Variants in LRRTM4 observed in about 807,000 individuals in gnomAD.
LRRTM4 encodes leucine rich repeat transmembrane neuronal 4.
LRRTM4 carries 25 observed loss-of-function variants against 47.6 expected under a neutral mutation model. The observed-to-expected ratio is 0.53, with a 90% CI of 0.38 to 0.73. The LOEUF is 0.73. Ranked by LOEUF, LRRTM4 falls within the 30% of genes least tolerant of loss-of-function variation. The pLI is 0.00. For missense variants in LRRTM4, 638 were observed against 713.4 expected (o/e 0.89, Z 1.20); for synonymous variants, 311 against 269.5 (o/e 1.15, Z -1.51).
At chr2:77,216,231 G>GAA (rs1674436095) in intron 3 of LRRTM4, among the ~76,000 whole-genome samples, 1 of 152,118 alleles carries the variant, frequency 6.6e-6, no homozygotes, top group South Asian at 2.1e-4. Flanking sequence ...ATACAAAATG[G>GAA]AAAACTAGGG....
intron 3 of LRRTM4, among the ~76,000 whole-genome samples, chr2:77,507,384 T>C (rs1666094022): frequency 6.6e-6 from 1 of 152,082 alleles, no homozygotes; most frequent in Non-Finnish European, 1.5e-5. Flanking sequence ...CTTGTCAATC[T>C]TCATGTTTTG....
intron 3 of LRRTM4, among the ~76,000 whole-genome samples, chr2:77,403,519 T>A (rs545496645): frequency 6.6e-6 from 1 of 151,904 alleles, no homozygotes; most frequent in South Asian, 2.1e-4. Context: ...ATAATATGTA[T>A]ATAAACATAT....
intron 3 of LRRTM4, among the ~76,000 whole-genome samples, chr2:77,473,269 G>A (rs1443413723): frequency 1.3e-5 from 2 of 152,142 alleles, no homozygotes; most frequent in Non-Finnish European, 1.5e-5. Flanking sequence ...TAATCGTTAT[G>A]CAATCTTAAT....
rs188238507 is a variant in LRRTM4, at chr2:77,167,386, C to T, written c.1551+350932G>A. 2.1e-3 allele frequency among the ~76,000 whole-genome samples: 327 copies of T among 152,256 alleles called. 4 individuals carry two copies. Among genetic ancestry groups the T allele is most frequent in the African/African-American group, 6.5e-3 (270 of 41,558 alleles). Reference sequence around the variant, plus strand: ...AAACTAGTTCAACCATTGTGGAAGACAGTGTGGAGATTCGTCAAGGATCTA... The same window carrying T: ...AAACTAGTTCAACCATTGTGGAAGATAGTGTGGAGATTCGTCAAGGATCTA... On this transcript the variant is annotated intron_variant, in intron 3 of 3. Transcript: ENST00000409884.
chr2:77,151,566 G>T (rs1021503439), intron 3 of LRRTM4, among the ~76,000 whole-genome samples: 8 of 152,144 alleles, frequency 5.3e-5, no homozygotes, highest in African/African-American at 1.7e-4. Context: ...AGAAAATGTG[G>T]TATAAACATA....
intron 3 of LRRTM4, among the ~76,000 whole-genome samples, chr2:77,459,407 T>C (rs1179238625): frequency 6.6e-6 from 1 of 152,120 alleles, no homozygotes; most frequent in African/African-American, 2.4e-5. Context: ...TAAATAGATA[T>C]ACAGAGACAT....
intron 3 of LRRTM4, among the ~76,000 whole-genome samples, chr2:77,028,563 C>T (rs1437579818): frequency 1.3e-5 from 2 of 151,744 alleles, no homozygotes; most frequent in Non-Finnish European, 2.9e-5. Context: ...ATAATTATAC[C>T]TATAATTTCA....
Position 77,191,493 on chromosome 2 carries a change from A to T in LRRTM4, c.1551+326825T>A, listed in dbSNP as rs576652170. Among the ~76,000 whole-genome samples, 8 of 152,050 alleles carry T rather than the reference A, an allele frequency of 5.3e-5. No individual in the cohort carries two copies. In the South Asian group the frequency reaches 1.7e-3, roughly 31 times the overall value. On this transcript the variant is annotated intron_variant, in intron 3 of 3. Transcript: ENST00000409884. ...AATATAAAAGTGTAATTTGAAATTA[A>T]TTAAAAACAAAAAAGCAGTATTTGA...
chr2:77,420,028 G>C (rs996633273), intron 3 of LRRTM4, among the ~76,000 whole-genome samples: 10 of 152,214 alleles, frequency 6.6e-5, no homozygotes, highest in Admixed American at 1.3e-4. Flanking sequence ...AGGCTGGGAT[G>C]AAGGTGTTGG....
At chr2:76,858,859 A>G (rs1484717230) in intron 3 of LRRTM4, among the ~76,000 whole-genome samples, 1 of 152,158 alleles carries the variant, frequency 6.6e-6, no homozygotes, top group African/African-American at 2.4e-5. Context: ...ACATTTACAA[A>G]TCCCTATGCT....
At chr2:77,498,145 A>G (rs1482941080) in intron 3 of LRRTM4, among the ~76,000 whole-genome samples, 1 of 151,854 alleles carries the variant, frequency 6.6e-6, no homozygotes, top group Non-Finnish European at 1.5e-5. Context: ...ATGTCAGTCT[A>G]TGGCATTTGT....
At chr2:76,762,387 T>C (rs1346983568) in intron 3 of LRRTM4, among the ~76,000 whole-genome samples, 1 of 152,142 alleles carries the variant, frequency 6.6e-6, no homozygotes, top group Non-Finnish European at 1.5e-5. Context: ...ATTTTTGTTT[T>C]TCTTTGCCCT....
chr2:76,873,606 A>G (rs1049840649), intron 3 of LRRTM4, among the ~76,000 whole-genome samples: 1 of 149,778 alleles, frequency 6.7e-6, no homozygotes, highest in Non-Finnish European at 1.5e-5. Context: ...TTTTTTTGAC[A>G]TTTATGCAGG....
chr2:77,191,484 T>C (rs977108949), intron 3 of LRRTM4, among the ~76,000 whole-genome samples: 15 of 151,882 alleles, frequency 9.9e-5, no homozygotes, highest in African/African-American at 3.1e-4. Context: ...AAAGTGTAAT[T>C]TGAAATTAAT....
chr2:76,951,991 G>C (rs553630188), intron 3 of LRRTM4, among the ~76,000 whole-genome samples: 2 of 152,020 alleles, frequency 1.3e-5, no homozygotes, highest in South Asian at 4.1e-4. Context: ...GTATTCCGTG[G>C]TGTATATGTG....
intron 3 of LRRTM4, among the ~76,000 whole-genome samples, chr2:77,299,792 A>G (rs1334984458): frequency 1.3e-5 from 2 of 151,944 alleles, no homozygotes; most frequent in African/African-American, 4.8e-5. Flanking sequence ...TGACAGATAT[A>G]CGGAAATCTA....
In LRRTM4 at chr2:77,292,816, G is replaced by A. The variant is rs771658815; in HGVS notation, c.1551+225502C>T. ...TACATATGTAACTAACCTGCACATTGTGCACATGTACCCTAAAACTTAAAG... is the reference window on the plus strand; with the variant it reads ...TACATATGTAACTAACCTGCACATTATGCACATGTACCCTAAAACTTAAAG... On this transcript the variant is annotated intron_variant, in intron 3 of 3. Transcript: ENST00000409884. Among the ~76,000 whole-genome samples, 256 of 151,384 alleles carry A rather than the reference G, an allele frequency of 1.7e-3. 1 individual carries two copies. Among genetic ancestry groups the A allele is most frequent in the Non-Finnish European group, 2.9e-3 (196 of 67,798 alleles).
chr2:77,506,212 G>A (rs56850268), intron 3 of LRRTM4, among the ~76,000 whole-genome samples: 2,548 of 151,424 alleles, frequency 0.017, 65 homozygotes, highest in African/African-American at 0.058. Flanking sequence ...TAAAATATCC[G>A]GAGAGAATTA....
At position 76,900,573 on chromosome 2, in the gene LRRTM4, A is replaced by C. The variant is rs188230317; in HGVS notation, c.1552-151657T>G. Among the ~76,000 whole-genome samples, 7 of 152,330 alleles carry C rather than the reference A, an allele frequency of 4.6e-5. No individual in the cohort carries two copies. In the East Asian group the frequency reaches 1.2e-3, roughly 25 times the overall value. ...TATGGCTTTCTATAAAGATTTCTTA[A>C]ATAAATAAATGAATAACTGCCCTCT... On this transcript the variant is annotated intron_variant, in intron 3 of 3. Transcript: ENST00000409884.
Sources: allele counts gnomAD v4.1 joint callset (sites outside exome capture counted in the v4.1 genomes callset), GRCh38; gene constraint gnomAD v4.1.1; transcripts MANE v1.5; gene names NCBI Gene and HGNC (gene_info 2026-07-23, HGNC 2026-07-21).